MEP1A: variants seen among roughly 807,000 people sequenced by gnomAD.
MEP1A encodes N-benzoyl-L-tyrosyl-P-amino-benzoic acid hydrolase subunit alpha.
In MEP1A, 68 loss-of-function variants were observed where a neutral mutation model predicts 84.5. The ratio of observed to expected loss-of-function variants is 0.80; its 90% CI spans 0.66 to 0.98. MEP1A has a LOEUF of 0.98. Among genes scored for constraint, MEP1A ranks in the 50% least tolerant of loss-of-function variants. The pLI, the probability that MEP1A is intolerant of heterozygous loss-of-function variation, is 0.00. For missense variants in MEP1A, 887 were observed against 919.9 expected (o/e 0.96, Z 0.46); for synonymous variants, 337 against 336.8 (o/e 1.00, Z -0.01).
downstream of MEP1A, among the ~76,000 whole-genome samples, chr6:46,840,689 C>T (rs1768316382): frequency 2.6e-5 from 4 of 152,208 alleles, no homozygotes; most frequent in Non-Finnish European, 5.9e-5. Flanking sequence ...TATCTCCTTC[C>T]ACATGACTTT....
chr6:46,812,562 T>C (rs960365935), intron 6 of MEP1A, among the ~76,000 whole-genome samples: 4 of 152,124 alleles, frequency 2.6e-5, no homozygotes, highest in Non-Finnish European at 4.4e-5. Flanking sequence ...TAACCTTAGA[T>C]TGTCTATTTG....
chr6:46,824,324 A>G (rs989992300), intron 7 of MEP1A, among the ~76,000 whole-genome samples: 1 of 151,084 alleles, frequency 6.6e-6, no homozygotes, highest in Admixed American at 6.6e-5. Context: ...TGGTGTAAAC[A>G]TGTACATGTA....
At chr6:46,828,678 A>T (rs1768002351) in intron 9 of MEP1A, among the ~76,000 whole-genome samples, 1 of 152,104 alleles carries the variant, frequency 6.6e-6, no homozygotes, top group South Asian at 2.1e-4. Flanking sequence ...GACTGTTTTT[A>T]GGGGAAAGAG....
chr6:46,794,270 C>T (rs1767000684), intron 3 of MEP1A, among the ~76,000 whole-genome samples: 1 of 152,202 alleles, frequency 6.6e-6, no homozygotes, highest in Non-Finnish European at 1.5e-5. Context: ...CTCTGTTGTC[C>T]TGCTTCTGAA....
rs761239443 is a variant in MEP1A, at chr6:46,799,213, C to G, written c.262+32C>G. 3.6e-6 allele frequency: 5 copies of G among 1,386,938 alleles called. No homozygotes were observed. The South Asian group carries it at 5.8e-5, about 16-fold the overall frequency. 85.9% of individuals were successfully genotyped at this position (1,386,938 alleles called of 1,614,324 possible). A position where few individuals can be genotyped will look rare whatever the true frequency, so the allele number is the denominator to read the frequency against. ...TTAATTGTTCTTAATTAGGAAGTTT[C>G]AGTTTAACTCTCTCTCTCCTCTCAG... On this transcript the variant is annotated intron_variant, in intron 5 of 13. Coordinates refer to ENST00000230588, the MANE Select transcript of MEP1A (RefSeq NM_005588.3).
In MEP1A at chr6:46,834,567, C is replaced by A. The variant is rs757783871; in HGVS notation, c.1610-11C>A. 1.0e-5 allele frequency: 16 copies of A among 1,580,084 alleles called. No individual in the cohort carries two copies. In the Admixed American group the frequency reaches 1.2e-4, roughly 12 times the overall value. ...AGGTAATGTGATTTTATGTTACCTA[C>A]AACTTTGCAGCGATAAATGACACTG... On this transcript the variant is annotated splice_polypyrimidine_tract_variant and intron_variant, in intron 11 of 13. Transcript: ENST00000230588.
intron 6 of MEP1A, among the ~76,000 whole-genome samples, chr6:46,811,674 A>G (rs1767502045): frequency 6.6e-6 from 1 of 151,970 alleles, no homozygotes; most frequent in Non-Finnish European, 1.5e-5. Flanking sequence ...GAGGTTTTTA[A>G]TCATACAGGG....
the MEP1A span, among the ~76,000 whole-genome samples, chr6:46,844,871 G>A: frequency 1.3e-5 from 2 of 152,256 alleles, no homozygotes; most frequent in East Asian, 3.9e-4. Flanking sequence ...TGGAGGGAGG[G>A]AACTGGTGAG....
chr6:46,806,865 G>T (rs112019319), intron 5 of MEP1A, among the ~76,000 whole-genome samples: 1 of 151,932 alleles, frequency 6.6e-6, no homozygotes, highest in Non-Finnish European at 1.5e-5. Context: ...AAATTAGAGC[G>T]TGCCCTCATG....
At chr6:46,832,999 C>G (rs900368071) in intron 10 of MEP1A, 75 bp from the exon 11 acceptor site, 5 of 790,530 alleles carry the variant, frequency 6.3e-6, no homozygotes, top group Admixed American at 4.8e-5. Flanking sequence ...AAGCACATGG[C>G]ACTGTGCCAA....
chr6:46,814,596 G>A (rs1408132090), intron 6 of MEP1A, among the ~76,000 whole-genome samples: 1 of 152,130 alleles, frequency 6.6e-6, no homozygotes, highest in Non-Finnish European at 1.5e-5. Context: ...GCACTGACAT[G>A]ATCTTTTGGC....
At chr6:46,825,834 T>C (rs543615551) in intron 8 of MEP1A, among the ~76,000 whole-genome samples, 1 of 152,304 alleles carries the variant, frequency 6.6e-6, no homozygotes, top group East Asian at 1.9e-4. Context: ...TTGTCTAGCT[T>C]CTTTTGCTTC....
intron 10 of MEP1A, among the ~76,000 whole-genome samples, chr6:46,830,247 T>TAAAAAAAAAAAAA (rs56033423): frequency 2.4e-4 from 12 of 50,106 alleles, no homozygotes; most frequent in African/African-American, 9.0e-4. Context: ...AGACTCCATC[T>TAAAAAAAAAAAAA]AAAAAAAAAA....
intron 10 of MEP1A, among the ~76,000 whole-genome samples, 159 bp downstream of exon 10, chr6:46,829,730 G>A (rs1768036459): frequency 6.6e-6 from 1 of 151,772 alleles, no homozygotes; most frequent in South Asian, 2.1e-4. Context: ...ATAATATATG[G>A]CATGTTTTAA....
intron 6 of MEP1A, among the ~76,000 whole-genome samples, chr6:46,816,163 C>T (rs1286351370): frequency 6.6e-6 from 1 of 152,070 alleles, no homozygotes; most frequent in African/African-American, 2.4e-5. Context: ...GTCTTGAACT[C>T]CTGACCTCAG....
chr6:46,807,663 A>AAGAAGGAGGAGGAGG (rs1284476644), intron 5 of MEP1A, among the ~76,000 whole-genome samples: 7 of 148,086 alleles, frequency 4.7e-5, no homozygotes, highest in African/African-American at 1.2e-4. Context: ...GGAGGAAGAG[A>AAGAAGGAGGAGGAGG]AGAAGGAGGA....
chr6:46,829,611 A>G, intron 10 of MEP1A, 40 bp downstream of exon 10: 1 of 1,461,874 alleles, frequency 6.8e-7, no homozygotes. Flanking sequence ...ATTGGGTTAA[A>G]ATCCGGGATC....
chr6:46,833,394 T>C lies in MEP1A; in HGVS notation c.1465T>C (p.Cys489Arg), dbSNP rs1034367856. Reference sequence around the variant, plus strand: ...TTACTTGAGACTTGCTTTTCATGTGTGCAGTGGGGAGAACGATGCTATCCT... The same window carrying C: ...TTACTTGAGACTTGCTTTTCATGTGCGCAGTGGGGAGAACGATGCTATCCT... ...SGYLRLAFHV[C>R]SGENDAILEW... The change falls in exon 11 of 14, where the codon TGC becomes CGC. Residue 489 changes from cysteine to arginine, a missense_variant. Coordinates refer to ENST00000230588, the MANE Select transcript of MEP1A (RefSeq NM_005588.3). The C allele has an allele frequency of 6.2e-7, 1 of 1,614,068 alleles. No homozygotes were observed. The highest frequency in any genetic ancestry group is 1.3e-5 in the African/African-American group (1 of 74,936).
intron 10 of MEP1A, among the ~76,000 whole-genome samples, chr6:46,830,247 TAAAAAAAAAAAAAAA>T (rs56033423): frequency 2.0e-5 from 1 of 50,092 alleles, no homozygotes; most frequent in Non-Finnish European, 3.6e-5. Context: ...AGACTCCATC[TAAAAAAAAAAAAAAA>T]AAAAAAAAAA....
Sources: allele counts gnomAD v4.1 joint callset (sites outside exome capture counted in the v4.1 genomes callset), GRCh38; gene constraint gnomAD v4.1.1; transcripts MANE v1.5; gene names NCBI Gene and HGNC (gene_info 2026-07-23, HGNC 2026-07-21).